The following RNF20 variants were observed in gnomAD, a reference collection of about 807,000 sequenced individuals.
RNF20 encodes E3 ubiquitin-protein ligase BRE1A.
A neutral mutation model predicts 126.2 loss-of-function variants in RNF20; 84 were observed. The observed-to-expected ratio is 0.67, with a 90% CI of 0.56 to 0.80. RNF20 has a LOEUF of 0.80. RNF20 is among the 30% of genes least tolerant of loss of function. The probability of loss-of-function intolerance (pLI) is 0.00; values close to 1 mark genes in which losing one functional copy is unlikely to be tolerated. For missense variants in RNF20, 869 were observed against 1,188.2 expected (o/e 0.73, Z 3.95); for synonymous variants, 400 against 414.3 (o/e 0.97, Z 0.42).
intron 9 of RNF20, among the ~76,000 whole-genome samples, chr9:101,548,910 C>T (rs964126742): frequency 2.0e-5 from 3 of 152,116 alleles, no homozygotes; most frequent in Non-Finnish European, 2.9e-5. Flanking sequence ...CAGTGCTTAC[C>T]GAAGTGATTC....
chr9:101,534,909 C>CTT (rs200245240), intron 1 of RNF20, among the ~76,000 whole-genome samples: 18 of 139,812 alleles, frequency 1.3e-4, no homozygotes, highest in African/African-American at 3.1e-4. Context: ...CCTTGACTTT[C>CTT]TTTTTTTTTT....
rs137935603 is a variant in RNF20, at chr9:101,561,959, A to G, written c.2699A>G (p.Asp900Gly). 1 of 1,613,668 alleles carries G rather than the reference A, an allele frequency of 6.2e-7. No individual in the cohort carries two copies. Among genetic ancestry groups the G allele is most frequent in the African/African-American group, 1.3e-5 (1 of 74,908 alleles). Residue 900 changes from aspartate (D) to glycine (G), a missense_variant, in exon 19 of 20, where the codon GAC becomes GGC. Physicochemically the swap from Asp to Gly is moderately conservative, Grantham distance 94 (BLOSUM62 -1). Around this residue, in one of 8 missense-constraint regions of RNF20, gnomAD observed 150 missense variants for 173.7 expected, o/e 0.86. Transcript: ENST00000389120. ...AAGCTGGAGACCACAAAGAAACCAG[A>G]CAATGTACCCAAGTGTGATGAGATT... ...RRKLETTKKP[D>G]NVPKCDEILM...
At position 101,552,384 on chromosome 9, in the gene RNF20, C is replaced by G. The variant is rs1228580590; in HGVS notation, c.1532C>G (p.Thr511Arg). Reference protein sequence around the residue: ...LREAQSDLNKTRLRSGSALLQ... With the variant: ...LREAQSDLNKRRLRSGSALLQ... ...TCTTTCTTTTCTTTATTCTCCCAGA[C>G]ACGCCTGCGTAGTGGTAGTGCCCTC... The change falls in exon 13 of 20, where the codon ACA becomes AGA. Residue 511 changes from threonine (T) to arginine (R), a missense_variant and splice_region_variant. Transcript: ENST00000389120. 1 of 1,605,512 alleles carries G rather than the reference C, an allele frequency of 6.2e-7. No individual in the cohort carries two copies. The highest frequency in any genetic ancestry group is 1.3e-5 in the African/African-American group (1 of 74,598).
chr9:101,552,241 A>G lies in RNF20; in HGVS notation c.1509A>G (p.Glu503=). 8 of 1,614,230 alleles carry G rather than the reference A, an allele frequency of 5.0e-6. No individual in the cohort carries two copies. Among genetic ancestry groups the G allele is most frequent in the Non-Finnish European group, 5.9e-6 (7 of 1,180,030 alleles). Reference sequence around the variant, plus strand: ...TGAGATATAAGCGGAAATTGAGAGAAGCCCAGTCTGACCTGAACAAGGTAA... The same window carrying G: ...TGAGATATAAGCGGAAATTGAGAGAGGCCCAGTCTGACCTGAACAAGGTAA... ...EVLRYKRKLR[E]AQSDLNKTRL... is the part of the protein sequence containing the mutation. Residue 503 remains glutamate (E), a synonymous_variant, in exon 12 of 20, where the codon GAA becomes GAG. Transcript: ENST00000389120.
At position 101,535,498 on chromosome 9, in the gene RNF20, T is replaced by TGAA; in HGVS notation, c.78_80dup (p.Glu26dup). On this transcript the variant is annotated inframe_insertion, in exon 2 of 20. Coordinates refer to ENST00000389120, the MANE Select transcript of RNF20 (RefSeq NM_019592.7). ...TGCCTCCTGAGAAGAAGGCAGCTGT[T>TGAA]GAAGATTCAGGGACCACAGTGGAAA... 2.5e-6 allele frequency: 4 copies of TGAA among 1,614,030 alleles called. No homozygotes were observed. The highest frequency in any genetic ancestry group is 3.4e-6 in the Non-Finnish European group (4 of 1,179,938).
At chr9:101,551,586 T>A (rs73503235) in intron 10 of RNF20, 98 bp from the exon 11 acceptor site, 5 of 1,098,540 alleles carry the variant, frequency 4.6e-6, no homozygotes, top group Non-Finnish European at 6.4e-6. Context: ...TCATTACGTA[T>A]AGATTGAACT....
rs753572325 is a variant in RNF20 at position 101,562,584 on chromosome 9, T to C, written c.*162T>C. On this transcript the variant is annotated 3_prime_UTR_variant, in exon 20 of 20. Coordinates refer to ENST00000389120, the MANE Select transcript of RNF20 (RefSeq NM_019592.7). ...CAGGCTCTCCTCTTCAGTAGCTGGA[T>C]GACTTTAGCAGAAAGGACTGGTAAA... The C allele has an allele frequency of 2.9e-5, 18 of 611,642 alleles. No homozygotes were observed. In the Admixed American group the frequency reaches 3.6e-4, roughly 12 times the overall value. 37.9% of individuals were successfully genotyped at this position (611,642 alleles called of 1,614,324 possible).
At chr9:101,551,620 G>T (rs1588222467) in intron 10 of RNF20, 64 bp from the exon 11 acceptor site, 3 of 795,738 alleles carry the variant, frequency 3.8e-6, no homozygotes, top group African/African-American at 4.5e-5. Context: ...GTAATCCATA[G>T]AATATGATGA....
chr9:101,551,843 T>C, intron 11 of RNF20, 24 bp downstream of exon 11: 1 of 1,588,660 alleles, frequency 6.3e-7, no homozygotes, highest in Non-Finnish European at 8.5e-7. Context: ...CACTCCATGC[T>C]GTAGTTTGCT....
intron 15 of RNF20, 75 bp from the exon 16 acceptor site, chr9:101,557,309 A>C: frequency 2.8e-6 from 3 of 1,078,938 alleles, no homozygotes; most frequent in Non-Finnish European, 4.1e-6. Context: ...AACAGTGGGA[A>C]AATTTAGTTT....
chr9:101,540,466 A>G (rs1427566491), intron 3 of RNF20, 24 bp from the exon 4 acceptor site: 3 of 1,611,786 alleles, frequency 1.9e-6, no homozygotes, highest in East Asian at 4.5e-5. Flanking sequence ...TTGTTTCTTC[A>G]TAATTGTACC....
intron 2 of RNF20, among the ~76,000 whole-genome samples, chr9:101,537,558 A>G (rs1827202982): frequency 6.6e-6 from 1 of 152,198 alleles, no homozygotes; most frequent in South Asian, 2.1e-4. Flanking sequence ...GTTTACATCT[A>G]TGAGACTACA....
Position 101,550,591 on chromosome 9 carries a change from T to C in RNF20, c.1093-15T>C. On this transcript the variant is annotated splice_polypyrimidine_tract_variant and intron_variant, in intron 9 of 19. Transcript: ENST00000389120. ...GCTAGATTCTGCTTCTGACTTTGCT[T>C]TGGGCCCTCCTAAGGTGGAATTGCG... is the stretch of plus-strand genomic sequence containing the variant. The C allele has an allele frequency of 1.9e-6, 3 of 1,607,874 alleles. No individual in the cohort carries two copies. The highest frequency in any genetic ancestry group is 1.7e-6 in the Non-Finnish European group (2 of 1,176,072).
chr9:101,552,107 G>T lies in RNF20; in HGVS notation c.1409-34G>T, dbSNP rs778670757. ...CTCCTTGTGCCTTTGCCCTTACCAC[G>T]GTTCCTCATAACATTGTTGTTCCTG... On this transcript the variant is annotated intron_variant, in intron 11 of 19. Transcript: ENST00000389120. 9 of 1,613,578 alleles carry T rather than the reference G, an allele frequency of 5.6e-6. No homozygotes were observed. In the Admixed American group the frequency reaches 1.0e-4, roughly 18 times the overall value.
At chr9:101,546,086 T>C (rs1180060174) in intron 6 of RNF20, among the ~76,000 whole-genome samples, 1 of 152,188 alleles carries the variant, frequency 6.6e-6, no homozygotes, top group Admixed American at 6.5e-5. Context: ...TAGTGACATT[T>C]CCATTGGGTC....
At chr9:101,551,320 A>AT (rs1273657998) in intron 10 of RNF20, among the ~76,000 whole-genome samples, 4 of 152,168 alleles carry the variant, frequency 2.6e-5, no homozygotes, top group Admixed American at 2.6e-4. Context: ...CCAGTAGATG[A>AT]TTTTTTTAAA....
intron 4 of RNF20, 40 bp downstream of exon 4, chr9:101,540,677 G>C: frequency 6.2e-7 from 1 of 1,608,756 alleles, no homozygotes; most frequent in Admixed American, 1.7e-5. Flanking sequence ...CATGCTATCT[G>C]GGTTTTTAAA....
In RNF20 at chr9:101,552,418, C is replaced by T; in HGVS notation, c.1566C>T (p.Ser522=). 5 of 1,606,702 alleles carry T rather than the reference C, an allele frequency of 3.1e-6. No individual in the cohort carries two copies. Among genetic ancestry groups the T allele is most frequent in the Non-Finnish European group, 4.3e-6 (5 of 1,174,718 alleles). The stretch of plus-strand genomic sequence containing the variant: ...GTAGTGGTAGTGCCCTCCTGCAGTC[C>T]CAGTCTAGTACTGAGGACCCGAAGG... ...RLRSGSALLQ[S]QSSTEDPKDE... The change falls in exon 13 of 20, where the codon TCC becomes TCT. Residue 522 remains serine (S), a synonymous_variant. Transcript: ENST00000389120.
intron 9 of RNF20, among the ~76,000 whole-genome samples, chr9:101,548,472 C>T (rs1165868548): frequency 1.3e-5 from 2 of 151,978 alleles, no homozygotes; most frequent in African/African-American, 2.4e-5. Flanking sequence ...AATGTTCTTG[C>T]CACACACGAA....
Sources: gnomAD v4.1 joint callset for allele counts (sites outside exome capture counted in the v4.1 genomes callset) on GRCh38, gnomAD v4.1.1 for gene constraint, gnomAD v4.1.1 regional missense constraint, MANE v1.5 for transcripts, NCBI Gene and HGNC (gene_info 2026-07-23, HGNC 2026-07-21) for gene names.